The following DSC3 variants were observed in gnomAD, a reference collection of about 807,000 sequenced individuals.
DSC3 encodes the protein desmocollin 3, also known as desmocollin-3.
DSC3 carries 97 observed loss-of-function variants against 89.5 expected under a neutral mutation model. The ratio of observed to expected loss-of-function variants is 1.08; its 90% CI spans 0.92 to 1.28. The LOEUF is 1.28. Ranked by LOEUF, DSC3 falls within the 50% of genes most tolerant of loss-of-function variation. DSC3 has a pLI of 0.00. For synonymous variants in DSC3, 436 were observed against 384.1 expected (o/e 1.14, Z -1.58); for missense variants, 1,199 against 1,085.3 (o/e 1.10, Z -1.47).
chr18:31,032,569 T>C (rs1567961616), intron 1 of DSC3, among the ~76,000 whole-genome samples: 1 of 128,344 alleles, frequency 7.8e-6, no homozygotes, highest in African/African-American at 3.1e-5. Flanking sequence ...TGTGTGTGTG[T>C]GTGTGTGTGT....
At chr18:31,015,568 G>A (rs78321800) in intron 9 of DSC3, among the ~76,000 whole-genome samples, 18,898 of 151,974 alleles carry the variant, frequency 0.12, 1,439 homozygotes, top group Admixed American at 0.18. Context: ...ATTCCTAGTG[G>A]TATTTAAATT....
At chr18:30,999,938 C>G (rs941203753) in intron 14 of DSC3, among the ~76,000 whole-genome samples, 4 of 152,166 alleles carry the variant, frequency 2.6e-5, no homozygotes, top group South Asian at 4.1e-4. Flanking sequence ...ATCATCAGCT[C>G]TAGCATTAAA....
chr18:31,000,431 C>T (rs986200137), intron 14 of DSC3, among the ~76,000 whole-genome samples: 1 of 152,178 alleles, frequency 6.6e-6, no homozygotes, highest in Non-Finnish European at 1.5e-5. Flanking sequence ...CCCCTACTGA[C>T]TCAGCTTCAC....
rs563431188 is a variant in DSC3, at chr18:31,037,895, C to T, written c.69+4697G>A. On this transcript the variant is annotated intron_variant, in intron 1 of 15. Transcript: ENST00000360428. Reference sequence around the variant, plus strand: ...CCTGGGGAACAGAGCAAAACTCCATCTCAAAAAAAAAAAAAGTTCATTCTC... The same window carrying T: ...CCTGGGGAACAGAGCAAAACTCCATTTCAAAAAAAAAAAAAGTTCATTCTC... 1.6e-4 allele frequency among the ~76,000 whole-genome samples: 23 copies of T among 144,280 alleles called. No individual in the cohort carries two copies. The Middle Eastern group carries it at 0.011, about 66-fold the overall frequency. 94.7% of individuals were successfully genotyped at this position (144,280 alleles called of 152,430 possible). A position where few individuals can be genotyped will look rare whatever the true frequency, so the allele number is the denominator to read the frequency against.
chr18:31,041,361 T>A (rs2144747502), intron 1 of DSC3, among the ~76,000 whole-genome samples: 1 of 152,366 alleles, frequency 6.6e-6, no homozygotes, highest in African/African-American at 2.4e-5. Flanking sequence ...TTGGAACAGT[T>A]CCCGGGCAAA....
intron 1 of DSC3, among the ~76,000 whole-genome samples, chr18:31,040,443 A>C (rs1323522169): frequency 6.6e-6 from 1 of 152,182 alleles, no homozygotes; most frequent in Admixed American, 6.5e-5. Context: ...GCAATCAAAA[A>C]CTTACAATAG....
At chr18:31,026,518 A>G (rs757413639) in intron 4 of DSC3, among the ~76,000 whole-genome samples, 4 of 152,084 alleles carry the variant, frequency 2.6e-5, no homozygotes, top group African/African-American at 4.8e-5. Context: ...CACTGCAAAA[A>G]CCCAGAGAAG....
intron 3 of DSC3, among the ~76,000 whole-genome samples, 161 bp from the exon 4 acceptor site, chr18:31,029,789 A>G (rs1230255917): frequency 1.3e-5 from 2 of 152,194 alleles, no homozygotes; most frequent in African/African-American, 2.4e-5. Flanking sequence ...TCTGCATTAG[A>G]AGGGTAAGAA....
intron 13 of DSC3, among the ~76,000 whole-genome samples, chr18:31,003,775 C>A (rs534314938): frequency 1.3e-5 from 2 of 152,072 alleles, no homozygotes; most frequent in South Asian, 4.1e-4. Context: ...TGTGGCTGGA[C>A]GGTAAGAAGA....
intron 1 of DSC3, among the ~76,000 whole-genome samples, chr18:31,038,911 A>G (rs1486874883): frequency 6.6e-6 from 1 of 152,098 alleles, no homozygotes; most frequent in Non-Finnish European, 1.5e-5. Context: ...ATAATATTCA[A>G]TAGACTTCAG....
Position 31,042,697 on chromosome 18 carries a change from G to A in DSC3, c.-37C>T, listed in dbSNP as rs1349539561. 9 of 1,540,576 alleles carry A rather than the reference G, an allele frequency of 5.8e-6. No individual in the cohort carries two copies. In the East Asian group the frequency reaches 1.7e-4, roughly 29 times the overall value. ...GCAGGGCCAGGAGAACGCGGGCGCC[G>A]GGAGGGTGCCGAGAGCGAGACCTGC... On this transcript the variant is annotated 5_prime_UTR_variant, in exon 1 of 16. Coordinates refer to ENST00000360428, the MANE Select transcript of DSC3 (RefSeq NM_001941.5).
At chr18:31,016,927 C>A (rs972056747) in intron 9 of DSC3, among the ~76,000 whole-genome samples, 2 of 152,126 alleles carry the variant, frequency 1.3e-5, no homozygotes, top group Non-Finnish European at 2.9e-5. Context: ...ACATTGGCTT[C>A]CTGGGACCCA....
At chr18:31,027,703 A>C (rs1985647020) in intron 4 of DSC3, among the ~76,000 whole-genome samples, 1 of 152,088 alleles carries the variant, frequency 6.6e-6, no homozygotes, top group Admixed American at 6.6e-5. Context: ...TGTCTTCTCT[A>C]TTATGGAGAA....
chr18:31,014,303 A>T (rs187455571), intron 9 of DSC3, among the ~76,000 whole-genome samples: 1 of 152,194 alleles, frequency 6.6e-6, no homozygotes, highest in East Asian at 1.9e-4. Context: ...ATTTGTTTTT[A>T]AAAAAGAAAC....
chr18:31,040,331 CTT>C (rs1986092222), intron 1 of DSC3, among the ~76,000 whole-genome samples: 1 of 151,846 alleles, frequency 6.6e-6, no homozygotes, highest in Non-Finnish European at 1.5e-5. Context: ...TTAAAAGAAT[CTT>C]ATTATTTGTA....
intron 1 of DSC3, among the ~76,000 whole-genome samples, chr18:31,032,491 C>A (rs1211402935): frequency 6.6e-6 from 1 of 151,790 alleles, no homozygotes; most frequent in Non-Finnish European, 1.5e-5. Flanking sequence ...AAAACAGAAT[C>A]ATTTCTTCTA....
At position 30,993,929 on chromosome 18, in the gene DSC3, G is replaced by A. The variant is rs1984361866; in HGVS notation, c.*246C>T. Reference sequence around the variant, plus strand: ...AAAATATCCGTAAAAAAAAAAAAGAGCAGATGCTTTAGAGACCTTAATTCC... The same window carrying A: ...AAAATATCCGTAAAAAAAAAAAAGAACAGATGCTTTAGAGACCTTAATTCC... On this transcript the variant is annotated 3_prime_UTR_variant, in exon 16 of 16. Transcript: ENST00000360428. The A allele has an allele frequency of 8.4e-6, 3 of 358,522 alleles. No homozygotes were observed. Among genetic ancestry groups the A allele is most frequent in the Non-Finnish European group, 1.0e-5 (2 of 194,416 alleles). 22.2% of individuals were successfully genotyped at this position (358,522 alleles called of 1,614,324 possible). A position where few individuals can be genotyped will look rare whatever the true frequency, so the allele number is the denominator to read the frequency against.
At chr18:31,003,202 C>A (rs1984724663) in intron 13 of DSC3, among the ~76,000 whole-genome samples, 1 of 151,998 alleles carries the variant, frequency 6.6e-6, no homozygotes, top group Admixed American at 6.5e-5. Flanking sequence ...GGCACCAATA[C>A]CCTCCTCACC....
intron 7 of DSC3, among the ~76,000 whole-genome samples, chr18:31,021,275 A>C (rs576198191): frequency 1.3e-5 from 2 of 152,266 alleles, no homozygotes; most frequent in Non-Finnish European, 2.9e-5. Context: ...GTTAACTTGC[A>C]AAGTTTCAAT....
Sources: gnomAD v4.1 joint callset for allele counts (sites outside exome capture counted in the v4.1 genomes callset) on GRCh38, gnomAD v4.1.1 for gene constraint, MANE v1.5 for transcripts, NCBI Gene and HGNC (gene_info 2026-07-23, HGNC 2026-07-21) for gene names.